Variants in ACSL5 observed in about 807,000 individuals in gnomAD.
The protein encoded by ACSL5 is long-chain-fatty-acid--CoA ligase 5.
In ACSL5, 50 loss-of-function variants were observed where a neutral mutation model predicts 84.9. The observed-to-expected ratio is 0.59, with a 90% CI of 0.47 to 0.75. The LOEUF (loss-of-function observed/expected upper bound fraction) is 0.75, where lower values mean the gene tolerates loss of function less well. ACSL5 is among the 30% of genes least tolerant of loss of function. ACSL5 has a pLI of 0.00. For missense variants in ACSL5, 775 were observed against 830.4 expected (o/e 0.93, Z 0.82); for synonymous variants, 280 against 300.7 (o/e 0.93, Z 0.71).
At chr10:112,385,514 A>G (rs1159242893) in intron 1 of ACSL5, among the ~76,000 whole-genome samples, 1 of 152,244 alleles carries the variant, frequency 6.6e-6, no homozygotes, top group Non-Finnish European at 1.5e-5. Context: ...TCACCGTTTC[A>G]TCACTGGAAT....
intron 5 of ACSL5, among the ~76,000 whole-genome samples, chr10:112,405,259 A>G (rs1844006305): frequency 6.6e-6 from 1 of 152,354 alleles, no homozygotes; most frequent in East Asian, 1.9e-4. Context: ...TTTAGACAGT[A>G]AGATGACAGA....
intron 6 of ACSL5, 100 bp downstream of exon 6, chr10:112,408,621 C>T (rs1025285136): frequency 2.6e-5 from 22 of 847,780 alleles, no homozygotes; most frequent in African/African-American, 2.2e-4. Flanking sequence ...TTTAAGCAAA[C>T]TTGAAATGCT....
intron 13 of ACSL5, among the ~76,000 whole-genome samples, chr10:112,417,337 T>C (rs1343146049): frequency 1.3e-5 from 2 of 151,678 alleles, no homozygotes; most frequent in African/African-American, 2.4e-5. Flanking sequence ...ACCCAGTCTC[T>C]ACTAAAAATA....
rs1844476264 is a variant in ACSL5 at position 112,421,992 on chromosome 10, A to T, written c.1433A>T (p.Asp478Val). The part of the protein sequence containing the change: ...PLACNYVKLE[D>V]VADMNYFTVN... The stretch of plus-strand genomic sequence containing the variant: ...GCTTGCAATTACGTGAAGCTGGAAG[A>T]TGTGGCTGACATGAACTACTTTACA... Residue 478 changes from aspartate (D) to valine (V), a missense_variant, in exon 16 of 21, where the codon GAT (aspartate) becomes GTT (valine). Transcript: ENST00000354655. 6.2e-7 allele frequency: 1 copy of T among 1,614,114 alleles called. No individual in the cohort carries two copies. The highest frequency in any genetic ancestry group is 1.7e-5 in the Admixed American group (1 of 60,010).
At chr10:112,408,392 C>T (rs768158669) in intron 5 of ACSL5, 30 bp from the exon 6 acceptor site, 48 of 1,405,782 alleles carry the variant, frequency 3.4e-5, no homozygotes, top group Non-Finnish European at 4.5e-5. Flanking sequence ...GTGTGCCCTC[C>T]AGTCCTTACT....
intron 5 of ACSL5, among the ~76,000 whole-genome samples, chr10:112,407,380 C>T (rs558210342): frequency 3.9e-5 from 6 of 152,196 alleles, no homozygotes; most frequent in Admixed American, 3.9e-4. Flanking sequence ...CATGCCACCA[C>T]GCCCAGCTAA....
At chr10:112,426,961 T>G in intron 20 of ACSL5, 102 bp downstream of exon 20, 1 of 1,127,656 alleles carries the variant, frequency 8.9e-7, no homozygotes, top group Non-Finnish European at 1.3e-6. Flanking sequence ...GGAATTGATT[T>G]TAGATTTTGT....
Position 112,426,853 on chromosome 10 carries a change from T to C in ACSL5, c.1905T>C (p.Phe635=), listed in dbSNP as rs1480387925. The C allele has an allele frequency of 1.9e-6, 3 of 1,611,302 alleles. No individual in the cohort carries two copies. In the African/African-American group the frequency reaches 4.0e-5, roughly 22 times the overall value. Residue 635 remains phenylalanine (F), a synonymous_variant, in exon 20 of 21, where the codon TTT becomes TTC. Transcript: ENST00000354655. ...GGAAAGAAAGTGGCCTTAAAACTTTTGAACAGGTGTGTGCTACCACTGATG... is the reference window on the plus strand; with the variant it reads ...GGAAAGAAAGTGGCCTTAAAACTTTCGAACAGGTGTGTGCTACCACTGATG... ...KIGKESGLKT[F]EQVKAIFLHP... is the part of the protein sequence containing the mutation.
At chr10:112,393,442 T>C (rs1301170709) in intron 1 of ACSL5, among the ~76,000 whole-genome samples, 1 of 152,228 alleles carries the variant, frequency 6.6e-6, no homozygotes, top group Non-Finnish European at 1.5e-5. Flanking sequence ...TTCTTGTGAC[T>C]GTTCCTGCCC....
intron 9 of ACSL5, 26 bp downstream of exon 9, chr10:112,410,661 A>AG: frequency 6.2e-7 from 1 of 1,607,638 alleles, no homozygotes; most frequent in African/African-American, 1.3e-5. Context: ...ACTGAACCTT[A>AG]GACCCCTGGT....
chr10:112,401,012 G>C (rs573120335), intron 3 of ACSL5, among the ~76,000 whole-genome samples: 1 of 152,032 alleles, frequency 6.6e-6, no homozygotes, highest in Non-Finnish European at 1.5e-5. Flanking sequence ...CGTTGAAATA[G>C]CTTCTCATGG....
chr10:112,376,545 C>T (rs1193267587), intron 1 of ACSL5: 2 of 1,544,486 alleles, frequency 1.3e-6, no homozygotes, highest in South Asian at 1.2e-5. Flanking sequence ...TTTCTTTAAG[C>T]GACTTAGAAT....
At chr10:112,400,497 C>T (rs1157189494) in intron 3 of ACSL5, among the ~76,000 whole-genome samples, 3 of 143,558 alleles carry the variant, frequency 2.1e-5, no homozygotes, top group Non-Finnish European at 3.0e-5. Context: ...GCAACCTCTG[C>T]CTCCCAGGTT....
At chr10:112,378,478 C>G (rs1589667357) in intron 1 of ACSL5, among the ~76,000 whole-genome samples, 1 of 151,910 alleles carries the variant, frequency 6.6e-6, no homozygotes, top group Admixed American at 6.6e-5. Context: ...AACTCCTGAC[C>G]TCAAGTTATC....
At chr10:112,401,969 C>CTT (rs397949617) in intron 3 of ACSL5, among the ~76,000 whole-genome samples, 1 of 148,510 alleles carries the variant, frequency 6.7e-6, no homozygotes, top group Non-Finnish European at 1.5e-5. Context: ...CTCTCTCTCT[C>CTT]CTTCTGTCTT....
intron 5 of ACSL5, among the ~76,000 whole-genome samples, chr10:112,407,238 T>A (rs1381715572): frequency 6.6e-6 from 1 of 152,078 alleles, no homozygotes; most frequent in Non-Finnish European, 1.5e-5. Flanking sequence ...TTATTTATTT[T>A]TTGTGAGACG....
chr10:112,417,728 A>C, intron 13 of ACSL5, 118 bp from the exon 14 acceptor site: 1 of 788,306 alleles, frequency 1.3e-6, no homozygotes, highest in Non-Finnish European at 2.2e-6. Flanking sequence ...TAACGTGAGA[A>C]TTGATGTCAG....
chr10:112,408,358 G>T, intron 5 of ACSL5, 64 bp from the exon 6 acceptor site: 1 of 999,822 alleles, frequency 1.0e-6, no homozygotes, highest in Non-Finnish European at 1.5e-6. Flanking sequence ...TTTGTTGGCT[G>T]AATGACTGAA....
chr10:112,375,759 A>G (rs1430122152), intron 1 of ACSL5, among the ~76,000 whole-genome samples: 1 of 152,182 alleles, frequency 6.6e-6, no homozygotes, highest in Non-Finnish European at 1.5e-5. Context: ...AAACCATGCC[A>G]ATTGAACGAC....
Sources: gnomAD v4.1 joint callset for allele counts (sites outside exome capture counted in the v4.1 genomes callset) on GRCh38, gnomAD v4.1.1 for gene constraint, MANE v1.5 for transcripts, NCBI Gene and HGNC (gene_info 2026-07-23, HGNC 2026-07-21) for gene names.